Variants in AGAP1 observed in about 807,000 individuals in gnomAD.
AGAP1 encodes ArfGAP with GTPase domain, ankyrin repeat and PH domain 1.
AGAP1 carries 29 observed loss-of-function variants against 105.3 expected under a neutral mutation model. The observed-to-expected ratio is 0.28, with a 90% CI of 0.21 to 0.38. The LOEUF is 0.38. AGAP1 is among the 10% of genes least tolerant of loss of function. AGAP1 has a pLI of 1.00. For missense variants in AGAP1, 998 were observed against 1,165.1 expected (o/e 0.86, Z 2.09); for synonymous variants, 509 against 485.9 (o/e 1.05, Z -0.63).
rs190640058 is a variant in AGAP1, at chr2:236,123,694, G to T, written c.2371-225G>T. ...TTCCTTAATGTTGCACAAAGGAGGGGCTTTCAGTTGAAAAAAAAAGACATG... is the reference window on the plus strand; with the variant it reads ...TTCCTTAATGTTGCACAAAGGAGGGTCTTTCAGTTGAAAAAAAAAGACATG... On this transcript the variant is annotated intron_variant, in intron 17 of 17. Coordinates refer to ENST00000304032, the MANE Select transcript of AGAP1 (RefSeq NM_001037131.3). The surrounding 1 kb of genome is among the most constrained non-coding windows in gnomAD (Gnocchi z 4.6). Among the ~76,000 whole-genome samples, 1 of 149,866 alleles carries T rather than the reference G, an allele frequency of 6.7e-6. No individual in the cohort carries two copies. Among genetic ancestry groups the T allele is most frequent in the African/African-American group, 2.4e-5 (1 of 41,324 alleles).
chr2:235,919,880 T>C lies in AGAP1; in HGVS notation c.1325-10885T>C, dbSNP rs978555492. ...TCGCTGTTGCATCAGCTTGTCCATA[T>C]AACCCATACCAGGAGATGGATTGTG... On this transcript the variant is annotated intron_variant, in intron 11 of 17. Transcript: ENST00000304032. The surrounding 1 kb of genome is among the most constrained non-coding windows in gnomAD (Gnocchi z 4.1). Among the ~76,000 whole-genome samples, 4 of 152,226 alleles carry C rather than the reference T, an allele frequency of 2.6e-5. No homozygotes were observed. The highest frequency in any genetic ancestry group is 4.4e-5 in the Non-Finnish European group (3 of 68,054).
rs1405125939 is a variant in AGAP1 at position 235,831,126 on chromosome 2, A to G, written c.1050+23795A>G. On this transcript the variant is annotated intron_variant, in intron 9 of 17. Coordinates refer to ENST00000304032, the MANE Select transcript of AGAP1 (RefSeq NM_001037131.3). Reference sequence around the variant, plus strand: ...GCTCTCTGCACTGATGACAGCTGTTAGGGAATCACATTCGAGACTTTAACT... The same window carrying G: ...GCTCTCTGCACTGATGACAGCTGTTGGGGAATCACATTCGAGACTTTAACT... Among the ~76,000 whole-genome samples the G allele has an allele frequency of 1.3e-5, 2 of 150,896 alleles. 1 individual carries two copies. Among genetic ancestry groups the G allele is most frequent in the East Asian group, 4.0e-4 (2 of 5,032 alleles).
In AGAP1 at chr2:236,001,006, G is replaced by C. The variant is rs1323467438; in HGVS notation, c.1645+32383G>C. ...AATTGTGACCTCCAGAAAGAGATGA[G>C]TTGTCCTAACCCCCACTACCTCAGA... is the stretch of plus-strand genomic sequence containing the variant. On this transcript the variant is annotated intron_variant, in intron 13 of 17. Coordinates refer to ENST00000304032, the MANE Select transcript of AGAP1 (RefSeq NM_001037131.3). This position sits in a 1 kb window ranked among gnomAD's most constrained non-coding sequence, Gnocchi z 4.7. Among the ~76,000 whole-genome samples the C allele has an allele frequency of 6.6e-6, 1 of 152,156 alleles. No individual in the cohort carries two copies.
At chr2:235,914,122 A>G (rs2051757923) in intron 11 of AGAP1, among the ~76,000 whole-genome samples, 1 of 152,088 alleles carries the variant, frequency 6.6e-6, no homozygotes, top group South Asian at 2.1e-4. Context: ...TGTGTTTTCT[A>G]TTATTCAGCC....
chr2:236,118,387 C>CTTT (rs529993131), intron 16 of AGAP1, among the ~76,000 whole-genome samples: 1 of 116,292 alleles, frequency 8.6e-6, no homozygotes, highest in Non-Finnish European at 1.8e-5. Flanking sequence ...TTTTCTTTTT[C>CTTT]TTTTTTTTTT....
intron 9 of AGAP1, among the ~76,000 whole-genome samples, chr2:235,848,931 C>G (rs1961834278): frequency 6.6e-6 from 1 of 152,154 alleles, no homozygotes; most frequent in Non-Finnish European, 1.5e-5. Flanking sequence ...GTCAGTATCC[C>G]AAGACTGATT....
intron 1 of AGAP1, among the ~76,000 whole-genome samples, chr2:235,699,955 C>G (rs962247989): frequency 2.6e-5 from 4 of 152,270 alleles, no homozygotes; most frequent in Admixed American, 6.5e-5. Context: ...GGGGGAACGG[C>G]CTGTTTCTGT....
At chr2:235,823,625 C>G (rs1958920539) in intron 9 of AGAP1, among the ~76,000 whole-genome samples, 1 of 152,170 alleles carries the variant, frequency 6.6e-6, no homozygotes, top group Non-Finnish European at 1.5e-5. Context: ...CCAGCATTTT[C>G]TTATTCCTTG....
chr2:236,094,141 G>A (rs534233868), intron 16 of AGAP1, among the ~76,000 whole-genome samples: 2 of 152,174 alleles, frequency 1.3e-5, no homozygotes, highest in South Asian at 4.1e-4. Context: ...AACAACTTCA[G>A]TCTTTTGACA....
At chr2:235,703,892 G>A (rs1950389983) in intron 1 of AGAP1, among the ~76,000 whole-genome samples, 1 of 152,138 alleles carries the variant, frequency 6.6e-6, no homozygotes, top group Non-Finnish European at 1.5e-5. Flanking sequence ...CTGCAGGCTA[G>A]TCTTGAACTC....
In AGAP1 at chr2:235,633,599, TA is replaced by T. The variant is rs1946898056; in HGVS notation, c.164-75576del. ...CAAGAGCAAGACTCTGTCTTAAAAA[TA>T]AAAGAGCTTGAGTGAATTGTCATAG... On this transcript the variant is annotated intron_variant, in intron 1 of 17. Coordinates refer to ENST00000304032, the MANE Select transcript of AGAP1 (RefSeq NM_001037131.3). This position sits in a 1 kb window ranked among gnomAD's most constrained non-coding sequence, Gnocchi z 4.8. Among the ~76,000 whole-genome samples, 1 of 151,862 alleles carries T rather than the reference TA, an allele frequency of 6.6e-6. No homozygotes were observed. The highest frequency in any genetic ancestry group is 1.9e-4 in the East Asian group (1 of 5,164).
chr2:236,037,304 A>G (rs7599889), intron 14 of AGAP1: 1 of 152,136 alleles, frequency 6.6e-6, no homozygotes, highest in African/African-American at 2.4e-5. Flanking sequence ...TCTCACCAGA[A>G]AACGCCACCC....
intron 12 of AGAP1, among the ~76,000 whole-genome samples, chr2:235,966,280 C>T (rs1369821594): frequency 2.0e-5 from 3 of 147,102 alleles, no homozygotes; most frequent in African/African-American, 7.6e-5. Flanking sequence ...AGAGGGGGGC[C>T]TGTTCCTCTG....
At position 235,888,215 on chromosome 2, in the gene AGAP1, G is replaced by A. The variant is rs1013213203; in HGVS notation, c.1155+4766G>A. The stretch of plus-strand genomic sequence containing the variant: ...TTATGGGCAGGGGGCGGGGGAGCGG[G>A]TAGTTCAGGAGGATCTCAGGATTAT... On this transcript the variant is annotated intron_variant, in intron 10 of 17. Transcript: ENST00000304032. The surrounding 1 kb of genome is among the most constrained non-coding windows in gnomAD (Gnocchi z 4.8). Among the ~76,000 whole-genome samples, 1 of 152,164 alleles carries A rather than the reference G, an allele frequency of 6.6e-6. No homozygotes were observed. Among genetic ancestry groups the A allele is most frequent in the African/African-American group, 2.4e-5 (1 of 41,434 alleles).
intron 6 of AGAP1, among the ~76,000 whole-genome samples, chr2:235,768,943 C>G (rs573726610): frequency 1.3e-5 from 2 of 152,276 alleles, no homozygotes; most frequent in South Asian, 2.1e-4. Flanking sequence ...TTTGAAAAAC[C>G]CTGATCTCAG....
intron 13 of AGAP1, among the ~76,000 whole-genome samples, chr2:236,028,928 C>G (rs1389884915): frequency 6.6e-6 from 1 of 152,104 alleles, no homozygotes; most frequent in Non-Finnish European, 1.5e-5. Flanking sequence ...GCTTCTTTCT[C>G]TTATTGATTT....
rs980684167 is a variant in AGAP1, at chr2:235,958,155, G to A, written c.1484-10307G>A. Among the ~76,000 whole-genome samples the A allele has an allele frequency of 2.6e-5, 4 of 151,998 alleles. No homozygotes were observed. The highest frequency in any genetic ancestry group is 4.8e-5 in the African/African-American group (2 of 41,374). ...GTAGAAAATGAACAGCCAACCCTTC[G>A]GGAACCATTGCAGCTCTCCCAGAGT... On this transcript the variant is annotated intron_variant, in intron 12 of 17. Coordinates refer to ENST00000304032, the MANE Select transcript of AGAP1 (RefSeq NM_001037131.3). This position sits in a 1 kb window ranked among gnomAD's most constrained non-coding sequence, Gnocchi z 4.1.
intron 12 of AGAP1, among the ~76,000 whole-genome samples, chr2:235,966,475 G>A (rs948230386): frequency 3.3e-4 from 50 of 152,116 alleles, no homozygotes; most frequent in African/African-American, 1.2e-3. Context: ...TACCACCAGG[G>A]GACAGTGACC....
intron 9 of AGAP1, among the ~76,000 whole-genome samples, chr2:235,880,733 C>G (rs2049977533): frequency 1.3e-5 from 2 of 150,298 alleles, no homozygotes; most frequent in South Asian, 4.3e-4. Context: ...GAGCGAGACT[C>G]CGTCTCAAAA....
Sources: gnomAD v4.1 joint callset for allele counts (sites outside exome capture counted in the v4.1 genomes callset) on GRCh38, gnomAD v4.1.1 for gene constraint, Gnocchi (gnomAD v3.1) non-coding constraint, MANE v1.5 for transcripts, NCBI Gene and HGNC (gene_info 2026-07-23, HGNC 2026-07-21) for gene names.